NHSL1: variants seen among roughly 807,000 people sequenced by gnomAD.
The protein encoded by NHSL1 is NHS-like protein 1.
In NHSL1, 48 loss-of-function variants were observed where a neutral mutation model predicts 95.0. That is an observed-to-expected ratio of 0.51 (90% CI 0.40 to 0.64). The LOEUF (loss-of-function observed/expected upper bound fraction) is 0.64. Among genes scored for constraint, NHSL1 ranks in the 30% least tolerant of loss-of-function variants. The pLI is 0.00. For synonymous variants in NHSL1, 783 were observed against 833.9 expected (o/e 0.94, Z 1.05); for missense variants, 1,971 against 2,077.7 (o/e 0.95, Z 1.00).
chr6:138,496,095 G>A lies in NHSL1; in HGVS notation c.211+124C>T, dbSNP rs577590973. On this transcript the variant is annotated intron_variant, in intron 2 of 7. Coordinates refer to ENST00000343505, the MANE Select transcript of NHSL1 (RefSeq NM_001144060.2). ...TGTATTAGGTTGTATTTATGATATC[G>A]TATAAAGACGTAGCATACTATACAT... 117 of 1,053,898 alleles carry A rather than the reference G, an allele frequency of 1.1e-4. 1 individual carries two copies. In the African/African-American group the frequency reaches 1.6e-3, roughly 14 times the overall value. 65.3% of individuals were successfully genotyped at this position (1,053,898 alleles called of 1,614,324 possible).
chr6:138,475,043 G>GAC (rs1778979102), intron 2 of NHSL1, among the ~76,000 whole-genome samples: 2 of 151,718 alleles, frequency 1.3e-5, no homozygotes, highest in Non-Finnish European at 2.9e-5. Context: ...AGCTACTCGG[G>GAC]AAGGTTGAGG....
chr6:138,468,733 G>A (rs1329232867), intron 3 of NHSL1, among the ~76,000 whole-genome samples: 1 of 152,200 alleles, frequency 6.6e-6, no homozygotes. Flanking sequence ...GCCTAGGTGT[G>A]TAGTAGGCTG....
intron 1 of NHSL1, among the ~76,000 whole-genome samples, chr6:138,643,869 G>A (rs1194596825): frequency 6.6e-6 from 1 of 151,980 alleles, no homozygotes; most frequent in Non-Finnish European, 1.5e-5. Context: ...ATGGTGACGG[G>A]TGCCTGTAAT....
intron 1 of NHSL1, among the ~76,000 whole-genome samples, chr6:138,525,348 ACTCT>A (rs200645474): frequency 6.6e-6 from 1 of 150,378 alleles, no homozygotes; most frequent in African/African-American, 2.4e-5. Flanking sequence ...CAACATAGCA[ACTCT>A]CTCTCTCTCT....
chr6:138,551,409 G>C (rs567378742), intron 1 of NHSL1, among the ~76,000 whole-genome samples: 47 of 152,258 alleles, frequency 3.1e-4, no homozygotes, highest in African/African-American at 8.2e-4. Flanking sequence ...TTTCCCCCTG[G>C]ATGCAAGAGA....
intron 1 of NHSL1, among the ~76,000 whole-genome samples, chr6:138,602,271 A>T (rs143447133): frequency 6.6e-6 from 1 of 152,282 alleles, no homozygotes; most frequent in East Asian, 1.9e-4. Flanking sequence ...TTCAGCATAC[A>T]GATTTTGTAT....
At chr6:138,634,879 G>A (rs1784868229) in intron 1 of NHSL1, among the ~76,000 whole-genome samples, 1 of 150,146 alleles carries the variant, frequency 6.7e-6, no homozygotes, top group African/African-American at 2.4e-5. Context: ...AGATCAATAA[G>A]AAGAGGAATT....
chr6:138,633,641 G>A (rs1431462198), intron 1 of NHSL1, among the ~76,000 whole-genome samples: 7 of 152,132 alleles, frequency 4.6e-5, no homozygotes, highest in African/African-American at 7.2e-5. Context: ...AAAAGCTGAC[G>A]GATTTCAATA....
rs773319476 is a variant in NHSL1 at position 138,432,141 on chromosome 6, C to T, written c.2204G>A (p.Arg735His). 41 of 1,548,524 alleles carry T rather than the reference C, an allele frequency of 2.6e-5. No homozygotes were observed. The Admixed American group carries it at 2.9e-4, about 11-fold the overall frequency. ...CSDLEEPWLPRSRSQSTVSAG... is the reference protein window; with the variant it reads ...CSDLEEPWLPHSRSQSTVSAG... ...ACTAACTGTGCTCTGGCTCCGGGAG[C>T]GGGGCAGCCAGGGCTCTTCCAAGTC... Residue 735 changes from arginine (R) to histidine (H), a missense_variant, in exon 6 of 8, where the codon CGC becomes CAC. By Grantham distance (29) the Arg-to-His change is conservative. Around this residue, in one of 3 missense-constraint regions of NHSL1, gnomAD observed 1,602 missense variants for 1,654.5 expected, o/e 0.97. Transcript: ENST00000343505. The surrounding 1 kb of genome is among the most constrained non-coding windows in gnomAD (Gnocchi z 4.4).
In NHSL1 at chr6:138,430,895, A is replaced by G; in HGVS notation, c.3450T>C (p.His1150=). The change falls in exon 6 of 8, where the codon CAT becomes CAC. Residue 1150 remains histidine (H), a synonymous_variant. Coordinates refer to ENST00000343505, the MANE Select transcript of NHSL1 (RefSeq NM_001144060.2). This position sits in a 1 kb window ranked among gnomAD's most constrained non-coding sequence, Gnocchi z 4.7. ...GGCCACCACGCTCAGCCGCACTGCCATGGTCACCCTGACTCGAGCTCTTGG... is the reference window on the plus strand; with the variant it reads ...GGCCACCACGCTCAGCCGCACTGCCGTGGTCACCCTGACTCGAGCTCTTGG... ...TPAKSSSQGD[H]GSAAERGGPV... The G allele has an allele frequency of 6.4e-7, 1 of 1,551,498 alleles. No homozygotes were observed. Among genetic ancestry groups the G allele is most frequent in the Non-Finnish European group, 8.7e-7 (1 of 1,146,906 alleles).
At position 138,431,579 on chromosome 6, in the gene NHSL1, T is replaced by A; in HGVS notation, c.2766A>T (p.Pro922=). ...GAGGAGCCGGGGGAGAGCCCACGGC[T>A]GGATCCAGCTTCTTCATAGTGCCAC... ...EGSGTMKKLD[P]AVGSPPAPPP... Residue 922 remains proline, a synonymous_variant, in exon 6 of 8, where the codon CCA becomes CCT. Transcript: ENST00000343505. This position sits in a 1 kb window ranked among gnomAD's most constrained non-coding sequence, Gnocchi z 4.0. The A allele has an allele frequency of 6.4e-7, 1 of 1,551,554 alleles. No homozygotes were observed. The highest frequency in any genetic ancestry group is 8.7e-7 in the Non-Finnish European group (1 of 1,146,922).
At chr6:138,623,397 T>C (rs1332317510) in intron 1 of NHSL1, among the ~76,000 whole-genome samples, 1 of 152,218 alleles carries the variant, frequency 6.6e-6, no homozygotes, top group Non-Finnish European at 1.5e-5. Context: ...TATTCATTTA[T>C]TTATTTTAAT....
chr6:138,620,819 G>T (rs1160858372), intron 1 of NHSL1, among the ~76,000 whole-genome samples: 1 of 152,128 alleles, frequency 6.6e-6, no homozygotes, highest in Non-Finnish European at 1.5e-5. Flanking sequence ...ACAGTAGATG[G>T]ATCTCCCAAT....
upstream of NHSL1, among the ~76,000 whole-genome samples, chr6:138,502,436 T>C (rs1407064787): frequency 6.6e-6 from 1 of 151,732 alleles, no homozygotes. Context: ...TATAAATCCA[T>C]GGTACTTCTG....
intron 2 of NHSL1, among the ~76,000 whole-genome samples, chr6:138,490,663 T>C (rs560895781): frequency 1.3e-5 from 2 of 152,226 alleles, no homozygotes; most frequent in East Asian, 3.9e-4. Flanking sequence ...TGAGACAGTC[T>C]CACTCTGTCA....
chr6:138,444,171 G>A (rs902883543), intron 4 of NHSL1, among the ~76,000 whole-genome samples: 3 of 151,952 alleles, frequency 2.0e-5, no homozygotes, highest in African/African-American at 7.3e-5. Flanking sequence ...ATCAGTCATG[G>A]TTACTATTTA....
At chr6:138,661,454 C>T (rs1257237451) in intron 1 of NHSL1, among the ~76,000 whole-genome samples, 1 of 150,688 alleles carries the variant, frequency 6.6e-6, no homozygotes, top group Non-Finnish European at 1.5e-5. Context: ...GAGATCATAA[C>T]ATTCCACTCC....
chr6:138,599,840 C>T (rs182495767), intron 1 of NHSL1, among the ~76,000 whole-genome samples: 2 of 152,030 alleles, frequency 1.3e-5, no homozygotes, highest in African/African-American at 2.4e-5. Context: ...AATGAAGTAC[C>T]TTTAAAATGA....
intron 1 of NHSL1, among the ~76,000 whole-genome samples, chr6:138,545,329 T>A (rs932428822): frequency 1.3e-5 from 2 of 152,172 alleles, no homozygotes; most frequent in Admixed American, 6.5e-5. Context: ...GAGTTGATTT[T>A]AAAAACCTTC....
Sources: allele counts gnomAD v4.1 joint callset (sites outside exome capture counted in the v4.1 genomes callset), GRCh38; gene constraint gnomAD v4.1.1; regional missense constraint gnomAD v4.1.1; non-coding constraint Gnocchi (gnomAD v3.1); transcripts MANE v1.5; gene names NCBI Gene and HGNC (gene_info 2026-07-23, HGNC 2026-07-21).